PADI2: variants seen among roughly 807,000 people sequenced by gnomAD.
The protein encoded by PADI2 is peptidyl arginine deiminase 2, also known as protein-arginine deiminase type-2.
A neutral mutation model predicts 81.1 loss-of-function variants in PADI2; 70 were observed. That is an observed-to-expected ratio of 0.86 (90% CI 0.71 to 1.05). The LOEUF is 1.05. Ranked by LOEUF, PADI2 falls within the 50% of genes least tolerant of loss-of-function variation. The pLI, the probability that PADI2 is intolerant of heterozygous loss-of-function variation, is 0.00. For missense variants in PADI2, 853 were observed against 889.9 expected (o/e 0.96, Z 0.53); for synonymous variants, 338 against 358.0 (o/e 0.94, Z 0.63).
chr1:17,081,958 C>T (rs2078347814), intron 10 of PADI2, among the ~76,000 whole-genome samples: 1 of 152,108 alleles, frequency 6.6e-6, no homozygotes, highest in African/African-American at 2.4e-5. Flanking sequence ...ACTACAAATA[C>T]AAAAATTAGC....
At chr1:17,093,535 T>C (rs749221159) in intron 5 of PADI2, 32 bp downstream of exon 5, 20 of 1,386,274 alleles carry the variant, frequency 1.4e-5, no homozygotes, top group Non-Finnish European at 2.0e-5. Context: ...ACTCCTCTCA[T>C]CCTGCCCCCC....
chr1:17,114,391 G>A (rs1404743033), intron 1 of PADI2, among the ~76,000 whole-genome samples: 2 of 152,188 alleles, frequency 1.3e-5, no homozygotes, highest in African/African-American at 4.8e-5. Context: ...AGGGCAGCCT[G>A]GCAGAGCAGG....
At position 17,084,633 on chromosome 1, in the gene PADI2, TG is replaced by T; in HGVS notation, c.903del (p.Asn302ThrfsTer13). The stretch of plus-strand genomic sequence containing the variant: ...AACACCGACACGGGAGGCAGGATGT[TG>T]GGGGTCATGATCCACGGAGCAATCC... ...IFRIAPWIMTPNILPPVSVFV... is the reference protein window; with the variant it reads ...IFRIAPWIMTXNILPPVSVFV... On this transcript the variant is annotated frameshift_variant, in exon 8 of 16. Coordinates refer to ENST00000375486, the MANE Select transcript of PADI2 (RefSeq NM_007365.3). LOFTEE classifies it high-confidence loss of function. 6.3e-7 allele frequency: 1 copy of T among 1,582,754 alleles called. No homozygotes were observed. The highest frequency in any genetic ancestry group is 8.6e-7 in the Non-Finnish European group (1 of 1,164,198).
intron 3 of PADI2, among the ~76,000 whole-genome samples, chr1:17,098,309 C>G (rs1931018906): frequency 6.6e-6 from 1 of 152,204 alleles, no homozygotes; most frequent in Admixed American, 6.5e-5. Flanking sequence ...CGGCCTTCGT[C>G]TCTAGGCCGT....
In PADI2 at chr1:17,074,955, A is replaced by G; in HGVS notation, c.1456-6T>C. On this transcript the variant is annotated splice_polypyrimidine_tract_variant and splice_region_variant and intron_variant, in intron 12 of 15. Transcript: ENST00000375486. ...GCCATGAGTAGCAGGAATTTCTGCA[A>G]GAGACAGTCCAGAGGGACAGAGTCA... is the stretch of plus-strand genomic sequence containing the variant. 1.2e-6 allele frequency: 2 copies of G among 1,602,630 alleles called. No homozygotes were observed. Among genetic ancestry groups the G allele is most frequent in the Non-Finnish European group, 1.7e-6 (2 of 1,170,614 alleles).
chr1:17,111,842 A>G (rs965427729), intron 1 of PADI2, among the ~76,000 whole-genome samples: 2 of 152,186 alleles, frequency 1.3e-5, no homozygotes, highest in Non-Finnish European at 2.9e-5. Flanking sequence ...GCAACAGGAC[A>G]GCTTGCGTGA....
intron 1 of PADI2, among the ~76,000 whole-genome samples, chr1:17,116,852 T>C (rs1463943240): frequency 1.3e-5 from 2 of 152,192 alleles, no homozygotes; most frequent in Non-Finnish European, 2.9e-5. Flanking sequence ...ATACTGGCAG[T>C]TGCTCTCATT....
chr1:17,112,686 C>T (rs1931627098), intron 1 of PADI2, among the ~76,000 whole-genome samples: 1 of 152,154 alleles, frequency 6.6e-6, no homozygotes, highest in African/African-American at 2.4e-5. Context: ...GAACAGGGAT[C>T]AGTGGAGGCA....
chr1:17,108,981 C>G (rs1017605714), intron 1 of PADI2, among the ~76,000 whole-genome samples: 4 of 152,168 alleles, frequency 2.6e-5, no homozygotes, highest in African/African-American at 7.2e-5. Context: ...CTTTCCCTCT[C>G]TCAGTTTCAT....
chr1:17,096,038 A>T, intron 3 of PADI2, 68 bp from the exon 4 acceptor site: 1 of 1,269,134 alleles, frequency 7.9e-7, no homozygotes, highest in Non-Finnish European at 1.1e-6. Flanking sequence ...CAAGAGGAAG[A>T]CCTGTGGGAT....
intron 9 of PADI2, chr1:17,083,151 GT>G (rs1316985241): frequency 6.4e-6 from 1 of 157,306 alleles, no homozygotes; most frequent in East Asian, 1.9e-4. Flanking sequence ...GGGATTACAG[GT>G]ATTATCCACC....
Position 17,067,889 on chromosome 1 carries a change from T to G in PADI2, c.*1155A>C, listed in dbSNP as rs1378088571. The G allele has an allele frequency of 6.6e-6, 1 of 152,440 alleles. No individual in the cohort carries two copies. Among genetic ancestry groups the G allele is most frequent in the Non-Finnish European group, 1.5e-5 (1 of 68,046 alleles). 9.4% of individuals were successfully genotyped at this position (152,440 alleles called of 1,614,324 possible). ...TAAAGGAACTTTTAACGATTGAAAC[T>G]GAGTCTTTTCAGTTGGAGCCAGGGA... On this transcript the variant is annotated 3_prime_UTR_variant, in exon 16 of 16. Coordinates refer to ENST00000375486, the MANE Select transcript of PADI2 (RefSeq NM_007365.3).
rs116341423 is a variant in PADI2 at position 17,078,580 on chromosome 1, G to C, written c.1310+684C>G. 6.5e-3 allele frequency among the ~76,000 whole-genome samples: 993 copies of C among 152,206 alleles called. 12 individuals carry two copies. The highest frequency in any genetic ancestry group is 0.023 in the African/African-American group (952 of 41,518). On this transcript the variant is annotated intron_variant, in intron 11 of 15. Coordinates refer to ENST00000375486, the MANE Select transcript of PADI2 (RefSeq NM_007365.3). ...TACTTGTATTTTTAGTAAAGACAAA[G>C]TTTTGCCATGTTGTCCAGGCTGGTC...
intron 1 of PADI2, among the ~76,000 whole-genome samples, chr1:17,114,938 G>A (rs1931707035): frequency 2.0e-5 from 3 of 152,212 alleles, no homozygotes; most frequent in Admixed American, 2.0e-4. Flanking sequence ...GAGGAGATCA[G>A]TGAGGTAGGG....
At chr1:17,116,289 AGGAAAGGGAGTCCAGAGCCCTTG>A (rs941110272) in intron 1 of PADI2, among the ~76,000 whole-genome samples, 1 of 152,140 alleles carries the variant, frequency 6.6e-6, no homozygotes. Context: ...CCAGCATCAC[AGGAAAGGGAGTCCAGAGCCCTTG>A]GGAAAGGGAG....
intron 6 of PADI2, among the ~76,000 whole-genome samples, chr1:17,088,714 C>G (rs906429791): frequency 6.6e-6 from 1 of 152,010 alleles, no homozygotes; most frequent in Non-Finnish European, 1.5e-5. Flanking sequence ...TGAGACAAGA[C>G]TGGCCAACAC....
chr1:17,087,154 C>A (rs1457202369), intron 6 of PADI2, among the ~76,000 whole-genome samples: 1 of 152,186 alleles, frequency 6.6e-6, no homozygotes, highest in African/African-American at 2.4e-5. Flanking sequence ...CTCTCATCCC[C>A]TCTGTATAAA....
chr1:17,088,703 T>G (rs1260240621), intron 6 of PADI2, among the ~76,000 whole-genome samples: 1 of 151,840 alleles, frequency 6.6e-6, no homozygotes, highest in Non-Finnish European at 1.5e-5. Flanking sequence ...GGTCAGGAGT[T>G]TGAGACAAGA....
chr1:17,113,443 C>T (rs1306829289), intron 1 of PADI2, among the ~76,000 whole-genome samples: 3 of 152,138 alleles, frequency 2.0e-5, no homozygotes, highest in Non-Finnish European at 4.4e-5. Flanking sequence ...CATTGAGGCC[C>T]CTAGAGGGCA....
Sources: gnomAD v4.1 joint callset for allele counts (sites outside exome capture counted in the v4.1 genomes callset) on GRCh38, gnomAD v4.1.1 for gene constraint, MANE v1.5 for transcripts, NCBI Gene and HGNC (gene_info 2026-07-23, HGNC 2026-07-21) for gene names.